SLC4A10: variants seen among roughly 807,000 people sequenced by gnomAD.
SLC4A10 encodes solute carrier family 4 member 10.
In SLC4A10, 42 loss-of-function variants were observed where a neutral mutation model predicts 137.7. The observed-to-expected ratio is 0.30, with a 90% confidence interval of 0.24 to 0.39. SLC4A10 has a LOEUF of 0.39. SLC4A10 is among the 10% of genes least tolerant of loss of function. The probability of loss-of-function intolerance (pLI) is 1.00; values close to 1 mark genes in which losing one functional copy is unlikely to be tolerated. For synonymous variants in SLC4A10, 474 were observed against 464.1 expected, an observed-to-expected ratio of 1.02 and a Z score of -0.27; for missense variants, 925 against 1,355.0, an observed-to-expected ratio of 0.68 and a Z score of 4.98.
At chr2:161,884,728 G>A (rs902466991) in intron 10 of SLC4A10, among the ~76,000 whole-genome samples, 4 of 152,142 alleles carry the variant, frequency 2.6e-5, no homozygotes, top group African/African-American at 9.7e-5. Context: ...AAAGATAAGA[G>A]CCATTAGTTA....
chr2:161,678,242 G>A (rs1044887960), intron 1 of SLC4A10, among the ~76,000 whole-genome samples: 1 of 152,102 alleles, frequency 6.6e-6, no homozygotes, highest in Non-Finnish European at 1.5e-5. Context: ...AATGAGAATA[G>A]AGCATTGCAT....
intron 20 of SLC4A10, among the ~76,000 whole-genome samples, chr2:161,957,998 A>G (rs1173336895): frequency 2.6e-5 from 4 of 152,198 alleles, no homozygotes; most frequent in African/African-American, 7.2e-5. Context: ...TATAGACATA[A>G]GATGATGTGA....
chr2:161,650,537 C>T (rs1455317678), intron 1 of SLC4A10, among the ~76,000 whole-genome samples: 1 of 152,014 alleles, frequency 6.6e-6, no homozygotes, highest in Non-Finnish European at 1.5e-5. Flanking sequence ...GCTGCAGCAG[C>T]CTAGCTGTGG....
At chr2:161,738,950 A>G (rs986364992) in intron 1 of SLC4A10, among the ~76,000 whole-genome samples, 1 of 152,118 alleles carries the variant, frequency 6.6e-6, no homozygotes, top group Non-Finnish European at 1.5e-5. Flanking sequence ...TTTTAGCCCC[A>G]ATTTTGCCAG....
intron 1 of SLC4A10, among the ~76,000 whole-genome samples, chr2:161,648,374 G>A (rs2036347308): frequency 6.6e-6 from 1 of 152,144 alleles, no homozygotes; most frequent in African/African-American, 2.4e-5. Context: ...TGAGTGTTAA[G>A]GACTTGGCTC....
chr2:161,716,818 A>T (rs978571599), intron 1 of SLC4A10, among the ~76,000 whole-genome samples: 1 of 152,012 alleles, frequency 6.6e-6, no homozygotes, highest in African/African-American at 2.4e-5. Context: ...ATGAATTTTA[A>T]AATTTTTTTT....
intron 2 of SLC4A10, among the ~76,000 whole-genome samples, chr2:161,802,172 A>G (rs760677593): frequency 4.6e-5 from 7 of 152,110 alleles, no homozygotes; most frequent in Admixed American, 6.6e-5. Flanking sequence ...GAATATAGAA[A>G]CTATCTTTCA....
At chr2:161,779,678 C>T (rs1016298465) in intron 2 of SLC4A10, among the ~76,000 whole-genome samples, 1 of 151,958 alleles carries the variant, frequency 6.6e-6, no homozygotes, top group African/African-American at 2.4e-5. Context: ...GGCTGGTCCT[C>T]TACTTTCTAA....
chr2:161,805,183 G>A (rs1559288594), intron 3 of SLC4A10, among the ~76,000 whole-genome samples: 2 of 152,114 alleles, frequency 1.3e-5, no homozygotes, highest in Non-Finnish European at 2.9e-5. Flanking sequence ...ATAACTATCA[G>A]ATCTCATGAG....
Position 161,866,789 on chromosome 2 carries a change from G to T in SLC4A10, c.766+3727G>T, listed in dbSNP as rs552349609. Reference sequence around the variant, plus strand: ...ATCAGTATCTGTATTTATCATTTAGGTCATGTATTCAATTACCTTTTGAGA... The same window carrying T: ...ATCAGTATCTGTATTTATCATTTAGTTCATGTATTCAATTACCTTTTGAGA... On this transcript the variant is annotated intron_variant, in intron 6 of 26. Transcript: ENST00000446997. 9.9e-5 allele frequency among the ~76,000 whole-genome samples: 15 copies of T among 151,676 alleles called. No individual in the cohort carries two copies. In the East Asian group the frequency reaches 2.9e-3, roughly 29 times the overall value.
At chr2:161,761,712 T>C (rs2050270575) in intron 1 of SLC4A10, among the ~76,000 whole-genome samples, 1 of 152,118 alleles carries the variant, frequency 6.6e-6, no homozygotes. Flanking sequence ...TAGTATTCCT[T>C]AGGTCACAGC....
At chr2:161,863,268 G>T (rs2060537266) in intron 6 of SLC4A10, among the ~76,000 whole-genome samples, 1 of 151,952 alleles carries the variant, frequency 6.6e-6, no homozygotes, top group East Asian at 1.9e-4. Flanking sequence ...TTCCTGAAAG[G>T]TTCAGGAAAA....
intron 1 of SLC4A10, among the ~76,000 whole-genome samples, chr2:161,745,864 C>T (rs1306783830): frequency 6.6e-6 from 1 of 152,142 alleles, no homozygotes; most frequent in Non-Finnish European, 1.5e-5. Context: ...TGTAAAATCT[C>T]AGAAAATACC....
chr2:161,812,379 T>A (rs2056637470), intron 3 of SLC4A10, among the ~76,000 whole-genome samples: 1 of 152,084 alleles, frequency 6.6e-6, no homozygotes, highest in Non-Finnish European at 1.5e-5. Context: ...CATTTTTTTT[T>A]AACTTTGAAT....
chr2:161,902,534 T>G (rs1000060379), intron 12 of SLC4A10, among the ~76,000 whole-genome samples: 1 of 152,190 alleles, frequency 6.6e-6, no homozygotes, highest in Non-Finnish European at 1.5e-5. Context: ...GATCTTTATG[T>G]GTACAAATAT....
At chr2:161,983,158 G>C in intron 26 of SLC4A10, 21 bp from the exon 27 acceptor site, 1 of 1,536,070 alleles carries the variant, frequency 6.5e-7, no homozygotes, top group Non-Finnish European at 8.7e-7. Flanking sequence ...TAATAAATGT[G>C]TCCTTTTTTT....
intron 15 of SLC4A10, among the ~76,000 whole-genome samples, chr2:161,920,903 T>C (rs940241443): frequency 6.6e-6 from 1 of 152,208 alleles, no homozygotes; most frequent in African/African-American, 2.4e-5. Flanking sequence ...ATAAAATGAA[T>C]ACAATATGGT....
chr2:161,734,213 T>A (rs2047095854), intron 1 of SLC4A10, among the ~76,000 whole-genome samples: 1 of 152,166 alleles, frequency 6.6e-6, no homozygotes, highest in Admixed American at 6.6e-5. Context: ...TGGAATGATA[T>A]GGTTTGGCCC....
chr2:161,745,474 G>A (rs753758687), intron 1 of SLC4A10, among the ~76,000 whole-genome samples: 4 of 151,968 alleles, frequency 2.6e-5, no homozygotes, highest in Non-Finnish European at 5.9e-5. Context: ...CTCTGTGTTA[G>A]CTTGCATTTC....
Sources: allele counts gnomAD v4.1 joint callset (sites outside exome capture counted in the v4.1 genomes callset), GRCh38; gene constraint gnomAD v4.1.1; transcripts MANE v1.5; gene names NCBI Gene and HGNC (gene_info 2026-07-23, HGNC 2026-07-21).